The following MDH1B variants were observed in gnomAD, a reference collection of about 807,000 sequenced individuals.
MDH1B encodes malate dehydrogenase 1B.
In MDH1B, 60 loss-of-function variants were observed where a neutral mutation model predicts 61.4. The observed-to-expected ratio is 0.98, with a 90% CI of 0.79 to 1.21. MDH1B has a LOEUF of 1.21. Among genes scored for constraint, MDH1B ranks in the 50% most tolerant of loss-of-function variants. The probability of loss-of-function intolerance (pLI) is 0.00; values close to 1 mark genes in which losing one functional copy is unlikely to be tolerated. For missense variants in MDH1B, 587 were observed against 632.1 expected, an observed-to-expected ratio of 0.93 and a Z score of 0.76; for synonymous variants, 236 against 218.7, an observed-to-expected ratio of 1.08 and a Z score of -0.70.
At chr2:206,753,255 T>A (rs1688553982) in intron 5 of MDH1B, among the ~76,000 whole-genome samples, 1 of 152,138 alleles carries the variant, frequency 6.6e-6, no homozygotes, top group South Asian at 2.1e-4. Flanking sequence ...TGTTTTTCAG[T>A]TATGTGGGGA....
intron 1 of MDH1B, among the ~76,000 whole-genome samples, chr2:206,764,119 C>T (rs1230250856): frequency 1.3e-5 from 2 of 151,948 alleles, no homozygotes; most frequent in Non-Finnish European, 2.9e-5. Context: ...GGCAACATGA[C>T]AAAACCCCAT....
intron 9 of MDH1B, among the ~76,000 whole-genome samples, chr2:206,742,175 T>C (rs1687850407): frequency 6.6e-6 from 1 of 152,180 alleles, no homozygotes; most frequent in African/African-American, 2.4e-5. Flanking sequence ...TGAGTGAGTC[T>C]TATCTCCTGT....
intron 1 of MDH1B, among the ~76,000 whole-genome samples, chr2:206,763,633 A>T (rs1018319661): frequency 8.5e-5 from 13 of 152,182 alleles, no homozygotes; most frequent in Non-Finnish European, 8.8e-5. Flanking sequence ...AAGAATCTAC[A>T]TTATCTAACT....
intron 9 of MDH1B, 89 bp from the exon 10 acceptor site, chr2:206,741,193 CA>C: frequency 6.4e-7 from 1 of 1,554,994 alleles, no homozygotes; most frequent in South Asian, 1.2e-5. Flanking sequence ...CAATGTTTTT[CA>C]AACTTCAGTG....
At chr2:206,742,356 C>T (rs1298901999) in intron 9 of MDH1B, among the ~76,000 whole-genome samples, 1 of 152,146 alleles carries the variant, frequency 6.6e-6, no homozygotes, top group Admixed American at 6.6e-5. Context: ...TGTGGGAGAA[C>T]CCTGATGAAG....
intron 2 of MDH1B, among the ~76,000 whole-genome samples, chr2:206,759,489 G>T (rs1688968739): frequency 6.6e-6 from 1 of 152,056 alleles, no homozygotes; most frequent in South Asian, 2.1e-4. Context: ...TATTTTCAGG[G>T]GTATATACAC....
chr2:206,763,241 CT>C (rs58200375), intron 1 of MDH1B, among the ~76,000 whole-genome samples: 38,324 of 141,252 alleles, frequency 0.27, 6,199 homozygotes, highest in East Asian at 0.71. Context: ...TACTCATCCG[CT>C]TTTTTTTTTT....
chr2:206,739,390 G>A (rs191269176), intron 11 of MDH1B, among the ~76,000 whole-genome samples: 13 of 152,160 alleles, frequency 8.5e-5, no homozygotes, highest in African/African-American at 2.9e-4. Context: ...CTTCAGCCTG[G>A]GCAACAGAGC....
chr2:206,744,404 C>T (rs1347296717), intron 9 of MDH1B, among the ~76,000 whole-genome samples: 1 of 152,182 alleles, frequency 6.6e-6, no homozygotes, highest in Non-Finnish European at 1.5e-5. Flanking sequence ...CCAAAAGACA[C>T]TTGACTAAAG....
At chr2:206,762,822 C>T (rs149228741) in intron 1 of MDH1B, among the ~76,000 whole-genome samples, 1 of 152,190 alleles carries the variant, frequency 6.6e-6, no homozygotes, top group Non-Finnish European at 1.5e-5. Flanking sequence ...GCCACCACTG[C>T]CCCCTTCCAG....
intron 9 of MDH1B, chr2:206,745,270 C>T: frequency 2.3e-6 from 1 of 429,108 alleles, no homozygotes; most frequent in Non-Finnish European, 4.6e-6. Context: ...TGTGGCCCTG[C>T]TGATACCTCA....
At chr2:206,751,605 G>A (rs926371331) in intron 5 of MDH1B, among the ~76,000 whole-genome samples, 3 of 152,150 alleles carry the variant, frequency 2.0e-5, no homozygotes, top group Admixed American at 6.5e-5. Context: ...TCAACAAATA[G>A]TTATGAATTC....
At chr2:206,750,081 A>G (rs1688343727) in intron 6 of MDH1B, among the ~76,000 whole-genome samples, 1 of 152,136 alleles carries the variant, frequency 6.6e-6, no homozygotes, top group Non-Finnish European at 1.5e-5. Flanking sequence ...GGGACACATC[A>G]TCCCTAGGCA....
intron 6 of MDH1B, 69 bp from the exon 7 acceptor site, chr2:206,749,252 C>T (rs1688301088): frequency 6.8e-6 from 9 of 1,329,764 alleles, no homozygotes; most frequent in African/African-American, 1.5e-5. Flanking sequence ...TGTTCCCTGG[C>T]TCAGTGGAAC....
intron 2 of MDH1B, among the ~76,000 whole-genome samples, chr2:206,757,799 T>C (rs1048686210): frequency 2.6e-5 from 4 of 152,252 alleles, no homozygotes; most frequent in Admixed American, 1.3e-4. Context: ...GTGTGGTTTA[T>C]GTAGTTCAGA....
rs1304504203 is a variant in MDH1B, at chr2:206,738,312, A to G, written c.*171T>C. On this transcript the variant is annotated 3_prime_UTR_variant, in exon 12 of 12. Coordinates refer to ENST00000374412, the MANE Select transcript of MDH1B (RefSeq NM_001039845.3). ...GAGTGGATACAAGTAATGCAAAATGACGGAACTCTGACCTCTGTGCTGTCA... is the reference window on the plus strand; with the variant it reads ...GAGTGGATACAAGTAATGCAAAATGGCGGAACTCTGACCTCTGTGCTGTCA... 9.0e-6 allele frequency: 4 copies of G among 445,422 alleles called. No individual in the cohort carries two copies. The highest frequency in any genetic ancestry group is 1.6e-5 in the Non-Finnish European group (4 of 249,464). The allele number at this position is 445,422 out of a possible 1,614,324, so 27.6% of individuals were successfully genotyped here.
intron 9 of MDH1B, chr2:206,745,411 T>A: frequency 1.5e-6 from 1 of 664,004 alleles, no homozygotes; most frequent in South Asian, 1.5e-5. Flanking sequence ...ATTTATAAGA[T>A]CATAGTGTTC....
intron 9 of MDH1B, 183 bp from the exon 10 acceptor site, chr2:206,741,287 C>T: frequency 1.3e-6 from 1 of 759,272 alleles, no homozygotes; most frequent in Admixed American, 2.3e-5. Flanking sequence ...CAAAAAAATA[C>T]ATGAAATAAT....
rs1687563862 is a variant in MDH1B at position 206,737,791 on chromosome 2, C to T, written c.*692G>A. ...TCTTTCAAAATTCATTTTATTCAGG[C>T]CATATCTCTTGTCAAGGAGCAGAAA... On this transcript the variant is annotated 3_prime_UTR_variant, in exon 12 of 12. Coordinates refer to ENST00000374412, the MANE Select transcript of MDH1B (RefSeq NM_001039845.3). 6.6e-6 allele frequency: 1 copy of T among 152,136 alleles called. No individual in the cohort carries two copies. Among genetic ancestry groups the T allele is most frequent in the South Asian group, 2.1e-4 (1 of 4,822 alleles). 9.4% of individuals were successfully genotyped at this position (152,136 alleles called of 1,614,324 possible).
Sources: gnomAD v4.1 joint callset for allele counts (sites outside exome capture counted in the v4.1 genomes callset) on GRCh38, gnomAD v4.1.1 for gene constraint, MANE v1.5 for transcripts, NCBI Gene and HGNC (gene_info 2026-07-23, HGNC 2026-07-21) for gene names.